Variants in SLCO1A2 observed in about 807,000 individuals in gnomAD.
SLCO1A2 encodes OATP-1.
Under a neutral mutation model 69.0 loss-of-function variants are expected in SLCO1A2, and 67 were observed. That is an observed-to-expected ratio of 0.97 (90% CI 0.80 to 1.19). SLCO1A2 has a LOEUF of 1.19. Ranked by LOEUF, SLCO1A2 falls within the 50% of genes most tolerant of loss-of-function variation. SLCO1A2 has a pLI of 0.00. For missense variants in SLCO1A2, 787 were observed against 793.7 expected, an observed-to-expected ratio of 0.99 and a Z score of 0.10; for synonymous variants, 260 against 265.9, an observed-to-expected ratio of 0.98 and a Z score of 0.22.
chr12:21,303,684 G>C (rs1404072186), intron 6 of SLCO1A2, among the ~76,000 whole-genome samples: 1 of 152,212 alleles, frequency 6.6e-6, no homozygotes, highest in African/African-American at 2.4e-5. Flanking sequence ...GGCAGCACAA[G>C]AAGGTGGGTC....
chr12:21,295,809 A>T lies in SLCO1A2; in HGVS notation c.1076-17T>A. The T allele has an allele frequency of 1.5e-6, 2 of 1,323,174 alleles. No individual in the cohort carries two copies. The highest frequency in any genetic ancestry group is 2.1e-6 in the Non-Finnish European group (2 of 932,482). The allele number at this position is 1,323,174 out of a possible 1,614,324, so 82.0% of individuals were successfully genotyped here. Reference sequence around the variant, plus strand: ...TATAAATACCTATAAATGCAAATAAAATATTATTTACAAAATGACTTACCA... The same window carrying T: ...TATAAATACCTATAAATGCAAATAATATATTATTTACAAAATGACTTACCA... On this transcript the variant is annotated splice_polypyrimidine_tract_variant and intron_variant, in intron 9 of 14. Coordinates refer to ENST00000683939, the MANE Select transcript of SLCO1A2 (RefSeq NM_001386879.1).
intron 1 of SLCO1A2, chr12:21,378,524 T>C: frequency 9.9e-7 from 1 of 1,006,560 alleles, no homozygotes; most frequent in South Asian, 1.3e-5. Context: ...ATATGGTCTG[T>C]GTGTCTGATG....
exon 1 of SLCO1A2, chr12:21,395,023 A>C (rs975239728): frequency 6.5e-6 from 1 of 154,438 alleles, no homozygotes; most frequent in Non-Finnish European, 1.4e-5. Flanking sequence ...AGAGGAGCCA[A>C]GATGGCCAAA....
intron 2 of SLCO1A2, among the ~76,000 whole-genome samples, chr12:21,340,782 G>A (rs1440577780): frequency 6.6e-6 from 1 of 151,730 alleles, no homozygotes; most frequent in East Asian, 1.9e-4. Flanking sequence ...CAATTAAGAT[G>A]GAGAAAGAAA....
chr12:21,283,815 C>T (rs1945239535), intron 12 of SLCO1A2, among the ~76,000 whole-genome samples: 1 of 152,114 alleles, frequency 6.6e-6, no homozygotes, highest in African/African-American at 2.4e-5. Context: ...AAAAGGTGCT[C>T]AGCATCAATG....
chr12:21,269,733 C>T lies in SLCO1A2; in HGVS notation c.1828G>A (p.Gly610Arg), dbSNP rs747899567. 67 of 1,611,584 alleles carry T rather than the reference C, an allele frequency of 4.2e-5. No homozygotes were observed. The Middle Eastern group carries it at 4.9e-4, about 12-fold the overall frequency. Residue 610 changes from glycine (G) to arginine (R), a missense_variant, in exon 15 of 15, where the codon GGA becomes AGA. Transcript: ENST00000683939. ...ATTAAGGCTGGAACAAAGCTTGATC[C>T]TCTTAGTGCTGCCGGCAATCCGAGG... The part of the protein sequence containing the change: ...IYLGLPAALR[G>R]SSFVPALIIL...
intron 11 of SLCO1A2, 66 bp from the exon 12 acceptor site, chr12:21,292,402 A>T (rs1323170136): frequency 8.3e-6 from 11 of 1,320,792 alleles, no homozygotes; most frequent in Non-Finnish European, 1.2e-5. Flanking sequence ...AACATTTTCT[A>T]CACAGCCAGT....
upstream of SLCO1A2, among the ~76,000 whole-genome samples, chr12:21,396,098 C>A (rs1386952962): frequency 6.6e-6 from 1 of 151,672 alleles, no homozygotes; most frequent in African/African-American, 2.4e-5. Flanking sequence ...ACATTCAAAC[C>A]AAAGGCAAAG....
chr12:21,332,105 A>G (rs1952654397), intron 2 of SLCO1A2, among the ~76,000 whole-genome samples: 1 of 152,166 alleles, frequency 6.6e-6, no homozygotes, highest in South Asian at 2.1e-4. Context: ...GCCAAAGTTA[A>G]GGCATGCCTA....
At chr12:21,382,265 G>C (rs891112691) in intron 1 of SLCO1A2, among the ~76,000 whole-genome samples, 2 of 152,120 alleles carry the variant, frequency 1.3e-5, no homozygotes, top group African/African-American at 4.8e-5. Context: ...ACTTACAAGG[G>C]GGAGCTAAGC....
At chr12:21,295,339 A>G (rs1947545009) in intron 10 of SLCO1A2, 1 of 298,172 alleles carries the variant, frequency 3.4e-6, no homozygotes, top group South Asian at 5.9e-5. Flanking sequence ...GGATATCACA[A>G]AGACAATCAT....
intron 2 of SLCO1A2, among the ~76,000 whole-genome samples, chr12:21,357,856 C>A (rs542555847): frequency 1.3e-5 from 2 of 152,116 alleles, no homozygotes; most frequent in African/African-American, 2.4e-5. Context: ...AACACATGTT[C>A]TTGCTTAAGA....
intron 2 of SLCO1A2, among the ~76,000 whole-genome samples, chr12:21,334,354 T>G (rs1307222852): frequency 6.6e-6 from 1 of 152,074 alleles, no homozygotes; most frequent in Non-Finnish European, 1.5e-5. Context: ...GGATCCTGTC[T>G]TCCATTTAAG....
upstream of SLCO1A2, among the ~76,000 whole-genome samples, chr12:21,396,702 A>T (rs971753979): frequency 6.6e-6 from 1 of 152,174 alleles, no homozygotes; most frequent in Non-Finnish European, 1.5e-5. Flanking sequence ...GCCAGAAGAG[A>T]GTGGGGGCTA....
chr12:21,352,772 T>G (rs1463851378), intron 2 of SLCO1A2, among the ~76,000 whole-genome samples: 1 of 152,360 alleles, frequency 6.6e-6, no homozygotes, highest in African/African-American at 2.4e-5. Flanking sequence ...TTTTCCTTGT[T>G]GCTTTACATG....
intron 8 of SLCO1A2, among the ~76,000 whole-genome samples, chr12:21,298,876 C>CA (rs1467146430): frequency 6.6e-6 from 1 of 151,880 alleles, no homozygotes; most frequent in Non-Finnish European, 1.5e-5. Context: ...TCCTAATGAC[C>CA]AAAGATGTAT....
intron 12 of SLCO1A2, among the ~76,000 whole-genome samples, chr12:21,277,652 T>C (rs1217270735): frequency 2.6e-5 from 4 of 151,976 alleles, no homozygotes; most frequent in African/African-American, 9.7e-5. Flanking sequence ...CAGGCAGGAG[T>C]TGGGGATGAT....
At chr12:21,320,361 G>A (rs1951449279) in intron 2 of SLCO1A2, among the ~76,000 whole-genome samples, 1 of 152,102 alleles carries the variant, frequency 6.6e-6, no homozygotes, top group African/African-American at 2.4e-5. Flanking sequence ...ATTTGCCTAT[G>A]TCTTTAGAAA....
chr12:21,418,819 A>C (rs1357519328), upstream of SLCO1A2, among the ~76,000 whole-genome samples: 1 of 152,194 alleles, frequency 6.6e-6, no homozygotes, highest in African/African-American at 2.4e-5. Flanking sequence ...GTGATGGTCT[A>C]GAACAGGGGA....
Sources: allele counts gnomAD v4.1 joint callset (sites outside exome capture counted in the v4.1 genomes callset), GRCh38; gene constraint gnomAD v4.1.1; transcripts MANE v1.5; gene names NCBI Gene and HGNC (gene_info 2026-07-23, HGNC 2026-07-21).